Variants in PNO1 observed in about 807,000 individuals in gnomAD.
The protein encoded by PNO1 is RNA-binding protein PNO1.
In PNO1, 16 loss-of-function variants were observed where a neutral mutation model predicts 28.4. The observed-to-expected ratio is 0.56, with a 90% CI of 0.38 to 0.85. The LOEUF (loss-of-function observed/expected upper bound fraction) is 0.85, where lower values mean the gene tolerates loss of function less well. PNO1 is among the 40% of genes least tolerant of loss of function. The probability of loss-of-function intolerance (pLI) is 0.00; values close to 1 mark genes in which losing one functional copy is unlikely to be tolerated. For synonymous variants in PNO1, 115 were observed against 110.8 expected, an observed-to-expected ratio of 1.04 and a Z score of -0.24; for missense variants, 304 against 312.2, an observed-to-expected ratio of 0.97 and a Z score of 0.20.
chr2:68,173,201 G>T, intron 5 of PNO1, 146 bp from the exon 6 acceptor site: 2 of 472,988 alleles, frequency 4.2e-6, no homozygotes, highest in Non-Finnish European at 7.7e-6. Context: ...TTTTTTTGTA[G>T]AGATGGCGTC....
chr2:68,173,614 G>A (rs1369560246), intron 6 of PNO1, among the ~76,000 whole-genome samples, 197 bp downstream of exon 6: 2 of 130,770 alleles, frequency 1.5e-5, no homozygotes, highest in Admixed American at 9.1e-5. Context: ...CCAGAGTCTC[G>A]CTGTGTCGCC....
At chr2:68,168,455 CAG>C (rs1458761043) in intron 5 of PNO1, among the ~76,000 whole-genome samples, 1 of 152,106 alleles carries the variant, frequency 6.6e-6, no homozygotes, top group Non-Finnish European at 1.5e-5. Flanking sequence ...GTTTGTGGAA[CAG>C]AGTGTGGGAA....
chr2:68,174,897 A>C lies in PNO1; in HGVS notation c.*95A>C. On this transcript the variant is annotated 3_prime_UTR_variant, in exon 7 of 7. Transcript: ENST00000263657. ...AGAAACCAGCTGAACAATTTCAGTC[A>C]TTTGAAGCCTCCGTCCCTTCTTCCA... 1.4e-6 allele frequency: 1 copy of C among 714,836 alleles called. No homozygotes were observed. The highest frequency in any genetic ancestry group is 1.7e-5 in the South Asian group (1 of 57,642). 44.3% of individuals were successfully genotyped at this position (714,836 alleles called of 1,614,324 possible). A position where few individuals can be genotyped will look rare whatever the true frequency, so the allele number is the denominator to read the frequency against.
chr2:68,163,267 C>T (rs904196592), intron 5 of PNO1, among the ~76,000 whole-genome samples: 13 of 152,302 alleles, frequency 8.5e-5, no homozygotes, highest in African/African-American at 2.4e-4. Context: ...CACAGTGGCT[C>T]ACGCCTGCAA....
chr2:68,170,420 T>A (rs558769527), intron 5 of PNO1, among the ~76,000 whole-genome samples: 43 of 152,228 alleles, frequency 2.8e-4, no homozygotes, highest in African/African-American at 1.0e-3. Context: ...TTTAAATAAT[T>A]TTAATCAAAG....
intron 2 of PNO1, chr2:68,161,437 A>G (rs1673825659): frequency 2.0e-6 from 1 of 491,816 alleles, no homozygotes; most frequent in Non-Finnish European, 3.8e-6. Context: ...ATCTGATCAT[A>G]TAGTGCGGTT....
chr2:68,166,487 A>G (rs1265360414), intron 5 of PNO1, among the ~76,000 whole-genome samples: 1 of 152,204 alleles, frequency 6.6e-6, no homozygotes, highest in African/African-American at 2.4e-5. Flanking sequence ...ATGGTGAATA[A>G]GCTAAGGAAG....
chr2:68,173,326 G>T (rs1178590320), intron 5 of PNO1, 21 bp from the exon 6 acceptor site: 1 of 1,496,764 alleles, frequency 6.7e-7, no homozygotes, highest in Non-Finnish European at 9.3e-7. Context: ...CCACTAATTT[G>T]TCTCATTTTA....
In PNO1 at chr2:68,162,814, TATC is replaced by T. The variant is rs1673871406; in HGVS notation, c.620+154_620+156del. ...TCATAAATCCATCATAAATTGAAAA[TATC>T]ATAAGTCTAAAATGCATTTAATATG... On this transcript the variant is annotated intron_variant, in intron 5 of 6. Transcript: ENST00000263657. 3.8e-5 allele frequency: 25 copies of T among 652,542 alleles called. No individual in the cohort carries two copies. In the South Asian group the frequency reaches 4.0e-4, roughly 11 times the overall value. The allele number at this position is 652,542 out of a possible 1,614,324, so 40.4% of individuals were successfully genotyped here.
chr2:68,168,207 G>A (rs532904367), intron 5 of PNO1, among the ~76,000 whole-genome samples: 1 of 152,178 alleles, frequency 6.6e-6, no homozygotes, highest in South Asian at 2.1e-4. Context: ...AATATAAGAG[G>A]GGTCCTAATG....
intron 5 of PNO1, among the ~76,000 whole-genome samples, chr2:68,165,505 C>T (rs1434650337): frequency 5.0e-5 from 7 of 140,770 alleles, no homozygotes; most frequent in African/African-American, 1.9e-4. Context: ...AAGATTGCAC[C>T]ACTGCATTCC....
chr2:68,158,585 G>A (rs1217644513), intron 2 of PNO1, 56 bp downstream of exon 2: 3 of 1,460,206 alleles, frequency 2.1e-6, no homozygotes, highest in Non-Finnish European at 2.8e-6. Context: ...CTACAGAGAT[G>A]AAAAGGCATG....
Position 68,162,306 on chromosome 2 carries a change from G to C in PNO1, c.483G>C (p.Glu161Asp). The part of the protein sequence containing the change: ...ALIRLDDLFL[E>D]SFEITDVKPL... ...TCAGGTTGGATGACCTCTTCCTAGA[G>C]TCTTTTGAAATTACAGATGGTGAGT... The change falls in exon 4 of 7, where the codon GAG becomes GAC. Residue 161 changes from glutamate (E) to aspartate (D), a missense_variant. Transcript: ENST00000263657. The C allele has an allele frequency of 6.2e-7, 1 of 1,612,928 alleles. No homozygotes were observed. Among genetic ancestry groups the C allele is most frequent in the Non-Finnish European group, 8.5e-7 (1 of 1,179,188 alleles).
In PNO1 at chr2:68,157,951, A is replaced by G. The variant is rs762259103; in HGVS notation, c.17A>G (p.Glu6Gly). The G allele has an allele frequency of 5.0e-5, 81 of 1,613,946 alleles. No individual in the cohort carries two copies. Among genetic ancestry groups the G allele is most frequent in the Middle Eastern group, 1.6e-4 (1 of 6,084 alleles). ...TTTCCGGGGATGGAATCCGAAATGG[A>G]AACGCAGAGCGCCAGGGCAGAGGAG... MESEM[E>G]TQSARAEEGF... is the part of the protein sequence containing the mutation. The change falls in exon 1 of 7, where the codon GAA becomes GGA. Residue 6 changes from glutamate (E) to glycine (G), a missense_variant. Physicochemically the swap from Glu to Gly is moderately conservative, Grantham distance 98. Transcript: ENST00000263657.
chr2:68,174,403 G>A (rs1030738673), intron 6 of PNO1, among the ~76,000 whole-genome samples: 11 of 147,736 alleles, frequency 7.4e-5, no homozygotes, highest in South Asian at 4.3e-4. Context: ...CCACATCTGC[G>A]GATCGAACCA....
At chr2:68,174,653 T>G (rs1674225457) in intron 6 of PNO1, 82 bp from the exon 7 acceptor site, 2 of 868,878 alleles carry the variant, frequency 2.3e-6, no homozygotes, top group Non-Finnish European at 3.7e-6. Flanking sequence ...CTGAAACCAG[T>G]CTTCCTTAGA....
At chr2:68,158,296 AG>A in intron 1 of PNO1, 83 bp from the exon 2 acceptor site, 1 of 1,418,238 alleles carries the variant, frequency 7.1e-7, no homozygotes, top group Admixed American at 2.1e-5. Flanking sequence ...CAGTTAAAGG[AG>A]GCCCTTTGTG....
chr2:68,164,055 A>T (rs1227681105), intron 5 of PNO1, among the ~76,000 whole-genome samples: 2 of 152,244 alleles, frequency 1.3e-5, no homozygotes, highest in African/African-American at 2.4e-5. Context: ...GGATAACTAT[A>T]CTACTGTGTT....
Position 68,173,423 on chromosome 2 carries a change from A to G in PNO1, c.691+6A>G, listed in dbSNP as rs1674184141. On this transcript the variant is annotated splice_donor_region_variant and intron_variant, in intron 6 of 6. Coordinates refer to ENST00000263657, the MANE Select transcript of PNO1 (RefSeq NM_020143.4). ...CATTTGCAACCTAATCTTGGGTAAT[A>G]GCAGTTTCTTTCTTTGGTGTTTTCT... 6.4e-7 allele frequency: 1 copy of G among 1,561,786 alleles called. No homozygotes were observed. Among genetic ancestry groups the G allele is most frequent in the Non-Finnish European group, 8.8e-7 (1 of 1,132,650 alleles).
Sources: gnomAD v4.1 joint callset for allele counts (sites outside exome capture counted in the v4.1 genomes callset) on GRCh38, gnomAD v4.1.1 for gene constraint, MANE v1.5 for transcripts, NCBI Gene and HGNC (gene_info 2026-07-23, HGNC 2026-07-21) for gene names.